RALB: variants seen among roughly 807,000 people sequenced by gnomAD.
The protein encoded by RALB is ras-related protein Ral-B.
A neutral mutation model predicts 21.3 loss-of-function variants in RALB; 16 were observed. That is an observed-to-expected ratio of 0.75 (90% confidence interval 0.51 to 1.14). The LOEUF is 1.14. Among genes scored for constraint, RALB ranks in the 50% most tolerant of loss-of-function variants. RALB has a pLI of 0.00. For synonymous variants in RALB, 93 were observed against 96.1 expected (o/e 0.97, Z 0.19); for missense variants, 161 against 256.2 (o/e 0.63, Z 2.54).
intron 1 of RALB, among the ~76,000 whole-genome samples, chr2:120,264,337 A>C (rs546081118): frequency 1.3e-5 from 2 of 151,904 alleles, no homozygotes; most frequent in African/African-American, 4.8e-5. Context: ...TTTTTAGTAG[A>C]GACGGGGTTT....
chr2:120,251,992 C>T (rs1689065703), upstream of RALB, among the ~76,000 whole-genome samples: 1 of 152,172 alleles, frequency 6.6e-6, no homozygotes, highest in Non-Finnish European at 1.5e-5. Context: ...TTACACTGTG[C>T]TAGCAGCCAT....
At chr2:120,261,992 G>T (rs931026099) in intron 1 of RALB, among the ~76,000 whole-genome samples, 1 of 152,170 alleles carries the variant, frequency 6.6e-6, no homozygotes, top group Non-Finnish European at 1.5e-5. Flanking sequence ...TCGGAGAAGA[G>T]AGGATCAAGG....
chr2:120,245,402 TGAGGG>T (rs1255150843), intron 1 of RALB, among the ~76,000 whole-genome samples: 1 of 152,202 alleles, frequency 6.6e-6, no homozygotes, highest in African/African-American at 2.4e-5. Flanking sequence ...CCTGAACTGC[TGAGGG>T]GAGGGGAGGA....
At chr2:120,282,201 G>A (rs565953773) in intron 2 of RALB, among the ~76,000 whole-genome samples, 11 of 152,268 alleles carry the variant, frequency 7.2e-5, no homozygotes, top group African/African-American at 2.2e-4. Context: ...AGCTGGGGCC[G>A]GGCGCGGTGG....
chr2:120,263,730 A>G (rs1437069562), intron 1 of RALB, among the ~76,000 whole-genome samples: 2 of 151,748 alleles, frequency 1.3e-5, no homozygotes, highest in East Asian at 3.9e-4. Flanking sequence ...GGGTTTCACC[A>G]TGTTGCCCAG....
chr2:120,251,506 T>C (rs548586542), upstream of RALB, among the ~76,000 whole-genome samples: 4 of 152,350 alleles, frequency 2.6e-5, no homozygotes, highest in African/African-American at 7.2e-5. Context: ...CCCACAGAAG[T>C]AGTTTCCTAA....
At chr2:120,259,567 G>A (rs569673560) in intron 1 of RALB, among the ~76,000 whole-genome samples, 5 of 151,404 alleles carry the variant, frequency 3.3e-5, no homozygotes, top group African/African-American at 4.9e-5. Context: ...ACAGAGTGTC[G>A]ATTGGTGCAC....
intron 1 of RALB, among the ~76,000 whole-genome samples, chr2:120,265,134 T>C (rs897338579): frequency 6.6e-6 from 1 of 152,244 alleles, no homozygotes; most frequent in Non-Finnish European, 1.5e-5. Flanking sequence ...ATGACACCTA[T>C]GTTCTGAGAA....
chr2:120,267,726 C>T lies in RALB; in HGVS notation c.-47-10892C>T, dbSNP rs547058368. On this transcript the variant is annotated intron_variant, in intron 1 of 4. Coordinates refer to ENST00000272519, the MANE Select transcript of RALB (RefSeq NM_002881.3). The stretch of plus-strand genomic sequence containing the variant: ...TGTCAGACTTCTTGATTTTTTTAAG[C>T]GATGCCAAAAATTTGGACTTTTATG... Among the ~76,000 whole-genome samples the T allele has an allele frequency of 9.9e-5, 15 of 152,098 alleles. No homozygotes were observed. In the South Asian group the frequency reaches 2.3e-3, roughly 23 times the overall value.
intron 1 of RALB, among the ~76,000 whole-genome samples, chr2:120,242,561 C>T (rs1257796157): frequency 6.6e-6 from 1 of 151,916 alleles, no homozygotes; most frequent in Non-Finnish European, 1.5e-5. Flanking sequence ...GGTGAAACCC[C>T]GTCTCTACTA....
intron 2 of RALB, among the ~76,000 whole-genome samples, chr2:120,282,204 C>T (rs1011336395): frequency 6.6e-6 from 1 of 152,090 alleles, no homozygotes. Flanking sequence ...TGGGGCCGGG[C>T]GCGGTGGCTC....
intron 1 of RALB, among the ~76,000 whole-genome samples, chr2:120,269,237 C>A (rs890325071): frequency 6.6e-6 from 1 of 152,088 alleles, no homozygotes; most frequent in Non-Finnish European, 1.5e-5. Context: ...AAGATGTATC[C>A]GGAGTTTGTT....
At chr2:120,260,075 G>A (rs948415344) in intron 1 of RALB, among the ~76,000 whole-genome samples, 14 of 152,340 alleles carry the variant, frequency 9.2e-5, no homozygotes, top group African/African-American at 2.4e-4. Context: ...ACGCCCACCC[G>A]GAACTCCAGC....
chr2:120,250,128 C>G (rs113278795), upstream of RALB, among the ~76,000 whole-genome samples: 99 of 152,322 alleles, frequency 6.5e-4, 1 homozygote, highest in African/African-American at 2.3e-3. Context: ...GGGTGCTTGT[C>G]TGTTTACTGG....
chr2:120,242,953 C>T (rs541782240), intron 1 of RALB, among the ~76,000 whole-genome samples: 43 of 152,220 alleles, frequency 2.8e-4, no homozygotes, highest in African/African-American at 8.2e-4. Context: ...AAAATGGACG[C>T]GGACTAACTG....
At chr2:120,253,594 G>A in intron 1 of RALB, 1 of 985,526 alleles carries the variant, frequency 1.0e-6, no homozygotes, top group Non-Finnish European at 1.2e-6. Flanking sequence ...CTTGCCGCCT[G>A]TGGGAGTGTG....
At chr2:120,253,799 C>A in intron 1 of RALB, 1 of 781,540 alleles carries the variant, frequency 1.3e-6, no homozygotes, top group Non-Finnish European at 1.6e-6. Flanking sequence ...AGAGACTTGG[C>A]TGATTGCTCA....
rs928575726 is a variant in RALB at position 120,261,984 on chromosome 2, G to A, written c.-48+9004G>A. On this transcript the variant is annotated intron_variant, in intron 1 of 4. Transcript: ENST00000272519. ...AGATAGAAGGAAAGAAAGGGTTTTCGGAGAAGAGAGGATCAAGGACTTGAG... is the reference window on the plus strand; with the variant it reads ...AGATAGAAGGAAAGAAAGGGTTTTCAGAGAAGAGAGGATCAAGGACTTGAG... 3.3e-5 allele frequency among the ~76,000 whole-genome samples: 5 copies of A among 152,142 alleles called. No individual in the cohort carries two copies. In the East Asian group the frequency reaches 5.8e-4, roughly 18 times the overall value.
Position 120,267,250 on chromosome 2 carries a change from A to G in RALB, c.-47-11368A>G, listed in dbSNP as rs562748986. Among the ~76,000 whole-genome samples the G allele has an allele frequency of 1.1e-3, 171 of 152,316 alleles. 3 individuals carry two copies. Among genetic ancestry groups the G allele is most frequent in the Admixed American group, 1.2e-3 (19 of 15,296 alleles). ...GGAAGGGACAGGTAAAGAGGTATCC[A>G]TTAGGGAATAGAAATATCTAAAACA... On this transcript the variant is annotated intron_variant, in intron 1 of 4. Transcript: ENST00000272519.
Sources: gnomAD v4.1 joint callset for allele counts (sites outside exome capture counted in the v4.1 genomes callset) on GRCh38, gnomAD v4.1.1 for gene constraint, MANE v1.5 for transcripts, NCBI Gene and HGNC (gene_info 2026-07-23, HGNC 2026-07-21) for gene names.